Variants in HYDIN observed in about 807,000 individuals in gnomAD.
The protein encoded by HYDIN is axonemal central pair apparatus protein HYDIN.
A neutral mutation model predicts 403.9 loss-of-function variants in HYDIN; 132 were observed. The ratio of observed to expected loss-of-function variants is 0.33; its 90% CI spans 0.28 to 0.38. The LOEUF is 0.38. Ranked by LOEUF, HYDIN falls within the 10% of genes least tolerant of loss-of-function variation. The pLI is 1.00. For missense variants in HYDIN, 2,827 were observed against 5,009.5 expected, an observed-to-expected ratio of 0.56 and a Z score of 13.15; for synonymous variants, 1,202 against 1,891.7, an observed-to-expected ratio of 0.64 and a Z score of 9.46.
chr16:71,036,858 C>G (rs1195453611), intron 18 of HYDIN, among the ~76,000 whole-genome samples: 1 of 152,106 alleles, frequency 6.6e-6, no homozygotes, highest in East Asian at 1.9e-4. Context: ...TTAGGGCTAT[C>G]CTTTGCTTTT....
At chr16:70,870,826 T>TTGAGACCAGACTGGACAACACGG (rs2040048056) in intron 65 of HYDIN, among the ~76,000 whole-genome samples, 1 of 148,140 alleles carries the variant, frequency 6.8e-6, no homozygotes, top group Admixed American at 6.7e-5. Context: ...GCTCAGGAGT[T>TTGAGACCAGACTGGACAACACGG]TGAGACCAGA....
Position 70,868,786 on chromosome 16 carries a change from C to T in HYDIN, c.11094G>A (p.Met3698Ile). 1 of 1,613,318 alleles carries T rather than the reference C, an allele frequency of 6.2e-7. No homozygotes were observed. The change falls in exon 66 of 86, where the codon ATG becomes ATA. Residue 3698 changes from methionine (M) to isoleucine (I), a missense_variant and splice_region_variant. Coordinates refer to ENST00000393567, the MANE Select transcript of HYDIN (RefSeq NM_001270974.2). ...VSATIAFSPQ[M>I]GHLHPGCAKD... is the part of the protein sequence containing the mutation. ...TGGCACACCCAGGGTGGAGGTGGCCCATCTAGGAAAGAGCCTGGTATTAGT... is the reference window on the plus strand; with the variant it reads ...TGGCACACCCAGGGTGGAGGTGGCCTATCTAGGAAAGAGCCTGGTATTAGT...
At chr16:70,926,210 C>G (rs1187235705) in intron 45 of HYDIN, among the ~76,000 whole-genome samples, 1 of 150,230 alleles carries the variant, frequency 6.7e-6, no homozygotes, top group South Asian at 2.1e-4. Context: ...TGGAACCAAC[C>G]CAAATGTCCA....
intron 46 of HYDIN, among the ~76,000 whole-genome samples, chr16:70,919,265 G>A (rs1402479447): frequency 6.6e-6 from 1 of 152,188 alleles, no homozygotes; most frequent in African/African-American, 2.4e-5. Flanking sequence ...TGATTTGGAA[G>A]GTGGAGAGTA....
At chr16:70,990,943 G>A (rs1307974141) in intron 25 of HYDIN, among the ~76,000 whole-genome samples, 1 of 152,086 alleles carries the variant, frequency 6.6e-6, no homozygotes, top group Non-Finnish European at 1.5e-5. Flanking sequence ...TTCATTTTTT[G>A]CTGTTTCTAA....
At chr16:71,151,962 G>C (rs961744522) in intron 7 of HYDIN, among the ~76,000 whole-genome samples, 29 of 152,312 alleles carry the variant, frequency 1.9e-4, no homozygotes, top group Non-Finnish European at 8.8e-5. Context: ...AAAGTAACTG[G>C]ATCTTAATAG....
At chr16:71,063,244 C>T (rs1371969899) in intron 16 of HYDIN, among the ~76,000 whole-genome samples, 5 of 152,170 alleles carry the variant, frequency 3.3e-5, no homozygotes, top group African/African-American at 9.7e-5. Context: ...GCCTGGGGTA[C>T]GCCACAGTCT....
chr16:71,037,644 T>C (rs1597611093), intron 18 of HYDIN, among the ~76,000 whole-genome samples: 1 of 151,842 alleles, frequency 6.6e-6, no homozygotes, highest in African/African-American at 2.4e-5. Context: ...AGGGGCCACA[T>C]GGCAAGGAAC....
intron 38 of HYDIN, among the ~76,000 whole-genome samples, chr16:70,961,023 C>T (rs2078402451): frequency 1.3e-5 from 2 of 152,300 alleles, no homozygotes; most frequent in East Asian, 1.9e-4. Context: ...TGCTAAATAA[C>T]TCCCACTGTA....
chr16:71,065,621 C>T (rs2082238294), intron 15 of HYDIN, among the ~76,000 whole-genome samples: 1 of 152,162 alleles, frequency 6.6e-6, no homozygotes, highest in Non-Finnish European at 1.5e-5. Context: ...TAAGTACAAC[C>T]TGTGTAACCT....
intron 25 of HYDIN, among the ~76,000 whole-genome samples, chr16:70,990,554 G>A (rs2079317834): frequency 6.6e-6 from 1 of 151,184 alleles, no homozygotes; most frequent in African/African-American, 2.4e-5. Flanking sequence ...CAAAGATTGT[G>A]CCAAATTAGT....
At chr16:70,958,987 G>C (rs982276232) in intron 39 of HYDIN, among the ~76,000 whole-genome samples, 1 of 151,600 alleles carries the variant, frequency 6.6e-6, no homozygotes, top group African/African-American at 2.4e-5. Context: ...GAGTGGTTAC[G>C]AAGTTTAGAT....
At chr16:71,180,154 CAG>C (rs1313882704) in intron 3 of HYDIN, among the ~76,000 whole-genome samples, 2 of 151,636 alleles carry the variant, frequency 1.3e-5, no homozygotes, top group Non-Finnish European at 2.9e-5. Flanking sequence ...GAAAATATGA[CAG>C]AAGGCACAAA....
chr16:71,188,022 T>C (rs1011690006), intron 1 of HYDIN, among the ~76,000 whole-genome samples: 6 of 152,134 alleles, frequency 3.9e-5, no homozygotes, highest in African/African-American at 1.4e-4. Flanking sequence ...CAGTGGAAAG[T>C]TCAAACAACA....
At chr16:71,005,369 T>A (rs1275477066) in intron 23 of HYDIN, among the ~76,000 whole-genome samples, 3 of 152,046 alleles carry the variant, frequency 2.0e-5, no homozygotes, top group African/African-American at 7.2e-5. Context: ...CCTCACGGAA[T>A]TAGTGCCCTT....
intron 18 of HYDIN, among the ~76,000 whole-genome samples, chr16:71,036,952 T>C (rs1261295051): frequency 1.3e-5 from 2 of 149,746 alleles, no homozygotes; most frequent in Non-Finnish European, 3.0e-5. Context: ...ATAATCATCA[T>C]AGCTATGGAG....
At chr16:70,836,205 A>G (rs1003497344) in intron 77 of HYDIN, among the ~76,000 whole-genome samples, 10 of 152,192 alleles carry the variant, frequency 6.6e-5, no homozygotes, top group African/African-American at 2.4e-4. Context: ...GTGAGTGTGG[A>G]ATTGGGGAAC....
chr16:70,838,264 C>T (rs2037576446), intron 76 of HYDIN, among the ~76,000 whole-genome samples: 1 of 152,038 alleles, frequency 6.6e-6, no homozygotes, highest in African/African-American at 2.4e-5. Flanking sequence ...GATCTCAACT[C>T]ACTGCAACCT....
At chr16:71,220,108 G>T (rs575035730) in intron 1 of HYDIN, among the ~76,000 whole-genome samples, 11 of 152,198 alleles carry the variant, frequency 7.2e-5, no homozygotes, top group Admixed American at 5.9e-4. Flanking sequence ...AAATCTGAGG[G>T]CTGACACATC....
Sources: allele counts gnomAD v4.1 joint callset (sites outside exome capture counted in the v4.1 genomes callset), GRCh38; gene constraint gnomAD v4.1.1; transcripts MANE v1.5; gene names NCBI Gene and HGNC (gene_info 2026-07-23, HGNC 2026-07-21).